Variants in TRIM33 observed in about 807,000 individuals in gnomAD.
The protein encoded by TRIM33 is E3 ubiquitin-protein ligase TRIM33.
Under a neutral mutation model 125.4 loss-of-function variants are expected in TRIM33, and 20 were observed. That is an observed-to-expected ratio of 0.16 (90% CI 0.11 to 0.23). The LOEUF (loss-of-function observed/expected upper bound fraction) is 0.23, where lower values mean the gene tolerates loss of function less well. Among genes scored for constraint, TRIM33 ranks in the 10% least tolerant of loss-of-function variants. The probability of loss-of-function intolerance (pLI) is 1.00; values close to 1 mark genes in which losing one functional copy is unlikely to be tolerated. For missense variants in TRIM33, 920 were observed against 1,411.4 expected (o/e 0.65, Z 5.58); for synonymous variants, 564 against 513.9 (o/e 1.10, Z -1.32).
chr1:114,456,323 G>A (rs1361105384), intron 4 of TRIM33, among the ~76,000 whole-genome samples: 1 of 152,124 alleles, frequency 6.6e-6, no homozygotes, highest in Non-Finnish European at 1.5e-5. Context: ...GAAATTACCT[G>A]TTGGACAAAA....
intron 11 of TRIM33, among the ~76,000 whole-genome samples, chr1:114,420,947 C>T (rs1023483576): frequency 1.3e-5 from 2 of 152,094 alleles, no homozygotes; most frequent in African/African-American, 4.8e-5. Context: ...GCATTATCCA[C>T]AATAGCCAAG....
intron 11 of TRIM33, among the ~76,000 whole-genome samples, chr1:114,415,164 T>C (rs1260917050): frequency 6.6e-6 from 1 of 151,792 alleles, no homozygotes; most frequent in Non-Finnish European, 1.5e-5. Context: ...CCGGCTCATT[T>C]TTAATTGTTT....
chr1:114,401,261 T>G lies in TRIM33; in HGVS notation c.2967+128A>C, dbSNP rs1027662596. 1.4e-4 allele frequency: 75 copies of G among 519,732 alleles called. 1 individual carries two copies. In the East Asian group the frequency reaches 3.0e-3, roughly 21 times the overall value. The allele number at this position is 519,732 out of a possible 1,614,324, so 32.2% of individuals were successfully genotyped here. On this transcript the variant is annotated intron_variant, in intron 17 of 19. Transcript: ENST00000358465. ...CCGTGGTCTCTATTTCCTGACCTCG[T>G]GATCCGCCTGCCTCGGCCTCCCAAA...
intron 11 of TRIM33, among the ~76,000 whole-genome samples, chr1:114,413,612 TCCAAAAGCAAAACTGTAAA>T (rs1652737526): frequency 3.1e-5 from 1 of 32,132 alleles, no homozygotes; most frequent in African/African-American, 1.6e-4. Flanking sequence ...AAAGAAAAAG[TCCAAAAGCAAAACTGTAAA>T]AAAAAAAAAA....
Position 114,399,356 on chromosome 1 carries a change from G to GA in TRIM33, c.3120+100dup, listed in dbSNP as rs977996105. The GA allele has an allele frequency of 7.7e-4, 929 of 1,203,486 alleles. 5 individuals carry two copies. Among genetic ancestry groups the GA allele is most frequent in the Middle Eastern group, 7.0e-4 (3 of 4,266 alleles). The allele number at this position is 1,203,486 out of a possible 1,614,324, so 74.6% of individuals were successfully genotyped here. ...TGTTACTTTTGACAGGACTTTAGCA[G>GA]AAAAAAAAATTTTAATAAAATTAAA... On this transcript the variant is annotated intron_variant, in intron 18 of 19. Transcript: ENST00000358465.
At chr1:114,409,379 T>C (rs1652440511) in intron 12 of TRIM33, among the ~76,000 whole-genome samples, 1 of 152,188 alleles carries the variant, frequency 6.6e-6, no homozygotes, top group African/African-American at 2.4e-5. Flanking sequence ...TTTTAATAGT[T>C]TTCAGCAAAA....
chr1:114,477,383 C>G (rs1170742710), intron 1 of TRIM33, among the ~76,000 whole-genome samples: 1 of 151,498 alleles, frequency 6.6e-6, no homozygotes, highest in Non-Finnish European at 1.5e-5. Context: ...CTATTCAAGT[C>G]AGAAACCAGG....
In TRIM33 at chr1:114,410,360, A is replaced by G. The variant is rs1019293042; in HGVS notation, c.2062-44T>C. 2.5e-6 allele frequency: 4 copies of G among 1,581,050 alleles called. No individual in the cohort carries two copies. The African/African-American group carries it at 5.5e-5, about 22-fold the overall frequency. On this transcript the variant is annotated intron_variant, in intron 11 of 19. Transcript: ENST00000358465. ...AAGACAAATTTGCTTTGATTAAAGC[A>G]GAGAAGTTATTAATTTTATGTCACT... is the stretch of plus-strand genomic sequence containing the variant.
At chr1:114,419,493 T>C (rs1404082817) in intron 11 of TRIM33, among the ~76,000 whole-genome samples, 2 of 152,180 alleles carry the variant, frequency 1.3e-5, no homozygotes, top group Non-Finnish European at 1.5e-5. Flanking sequence ...ACTTATATAT[T>C]GCCTGTGAAA....
intron 4 of TRIM33, among the ~76,000 whole-genome samples, chr1:114,444,084 G>C (rs578047144): frequency 6.6e-6 from 1 of 152,086 alleles, no homozygotes; most frequent in Admixed American, 6.6e-5. Context: ...TCTGTCTGTA[G>C]ACAATTTTAT....
chr1:114,508,362 C>CTGTATT (rs1653130502), intron 1 of TRIM33, among the ~76,000 whole-genome samples: 2 of 152,288 alleles, frequency 1.3e-5, no homozygotes, highest in South Asian at 4.1e-4. Flanking sequence ...CAAACACAAT[C>CTGTATT]TGTATTTCTG....
chr1:114,469,806 G>C (rs1223279259), intron 1 of TRIM33, among the ~76,000 whole-genome samples: 1 of 152,114 alleles, frequency 6.6e-6, no homozygotes, highest in African/African-American at 2.4e-5. Context: ...ATGAAGAAAA[G>C]AGACAAAATG....
chr1:114,443,208 C>G (rs925122072), intron 4 of TRIM33, among the ~76,000 whole-genome samples: 1 of 151,618 alleles, frequency 6.6e-6, no homozygotes, highest in Non-Finnish European at 1.5e-5. Flanking sequence ...ATAGTGAAAC[C>G]CCATCACTAC....
chr1:114,438,151 G>A (rs1245337913), intron 4 of TRIM33, among the ~76,000 whole-genome samples: 2 of 152,124 alleles, frequency 1.3e-5, no homozygotes, highest in African/African-American at 4.8e-5. Flanking sequence ...GTCTTACTAA[G>A]TCCTGTGCCC....
chr1:114,417,536 T>C (rs1424758641), intron 11 of TRIM33, among the ~76,000 whole-genome samples: 1 of 152,172 alleles, frequency 6.6e-6, no homozygotes, highest in Non-Finnish European at 1.5e-5. Context: ...GTCAATACCA[T>C]GTGTTTCCAG....
At chr1:114,402,043 AG>A (rs947472192) in intron 16 of TRIM33, among the ~76,000 whole-genome samples, 2 of 152,206 alleles carry the variant, frequency 1.3e-5, no homozygotes, top group African/African-American at 4.8e-5. Context: ...ATAGTGGATG[AG>A]GGTTTTTACC....
In TRIM33 at chr1:114,396,114, T is replaced by C. The variant is rs1172386889; in HGVS notation, c.*1534A>G. ...TATCTAACAGCAAATTCTTCTATTT[T>C]GGTCTCTGAATATTCTAATGTGTCC... On this transcript the variant is annotated 3_prime_UTR_variant, in exon 20 of 20. Transcript: ENST00000358465. 1.5e-5 allele frequency: 3 copies of C among 201,004 alleles called. No homozygotes were observed. The East Asian group carries it at 2.3e-4, about 15-fold the overall frequency. 12.5% of individuals were successfully genotyped at this position (201,004 alleles called of 1,614,324 possible).
chr1:114,499,147 T>C (rs941424920), intron 1 of TRIM33, among the ~76,000 whole-genome samples: 2 of 152,156 alleles, frequency 1.3e-5, no homozygotes, highest in African/African-American at 2.4e-5. Context: ...CAGAATTTCA[T>C]ATCCAGCCAA....
chr1:114,457,028 TAAG>T (rs1401695342), intron 4 of TRIM33, among the ~76,000 whole-genome samples: 1 of 152,068 alleles, frequency 6.6e-6, no homozygotes, highest in African/African-American at 2.4e-5. Context: ...CAGCACTAAA[TAAG>T]AAGCCCAGTG....
Sources: allele counts gnomAD v4.1 joint callset (sites outside exome capture counted in the v4.1 genomes callset), GRCh38; gene constraint gnomAD v4.1.1; transcripts MANE v1.5; gene names NCBI Gene and HGNC (gene_info 2026-07-23, HGNC 2026-07-21).